DPY30: variants seen among roughly 807,000 people sequenced by gnomAD.
DPY30 encodes dpy-30 histone methyltransferase complex regulatory subunit.
A neutral mutation model predicts 16.2 loss-of-function variants in DPY30; 6 were observed. The ratio of observed to expected loss-of-function variants is 0.37; its 90% confidence interval spans 0.20 to 0.73. DPY30 has a LOEUF of 0.73. Among genes scored for constraint, DPY30 ranks in the 30% least tolerant of loss-of-function variants. The pLI is 0.51. For synonymous variants in DPY30, 39 were observed against 38.8 expected (o/e 1.00, Z -0.02); for missense variants, 73 against 113.1 (o/e 0.65, Z 1.61).
rs149424000 is a variant in DPY30, at chr2:32,027,861, C to G, written c.227+1733G>C. Among the ~76,000 whole-genome samples, 524 of 152,046 alleles carry G rather than the reference C, an allele frequency of 3.4e-3. 3 individuals carry two copies. The highest frequency in any genetic ancestry group is 0.012 in the African/African-American group (496 of 41,524). On this transcript the variant is annotated intron_variant, in intron 4 of 4. Coordinates refer to ENST00000342166, the MANE Select transcript of DPY30 (RefSeq NM_001321209.2). ...GCCAGGATGGTCTCGAACTCCTGAC[C>G]TCATGATCTGCCCGCCTCGGCCTCC... is the stretch of plus-strand genomic sequence containing the variant.
At chr2:32,027,006 T>C (rs1454023461) in intron 4 of DPY30, among the ~76,000 whole-genome samples, 1 of 150,808 alleles carries the variant, frequency 6.6e-6, no homozygotes, top group African/African-American at 2.4e-5. Flanking sequence ...CCAGGCACGA[T>C]GGCTCACACC....
intron 3 of DPY30, among the ~76,000 whole-genome samples, chr2:32,034,494 A>G (rs1029985607): frequency 6.6e-6 from 1 of 152,194 alleles, no homozygotes; most frequent in Non-Finnish European, 1.5e-5. Flanking sequence ...GAACTGACTC[A>G]TTACCAAAAG....
At chr2:32,019,436 C>T (rs776052471), downstream of DPY30, among the ~76,000 whole-genome samples, 8 of 152,070 alleles carry the variant, frequency 5.3e-5, no homozygotes, top group Non-Finnish European at 1.2e-4. Flanking sequence ...CGGCTTGAGC[C>T]GAGGAGGCAG....
intron 3 of DPY30, among the ~76,000 whole-genome samples, chr2:32,035,969 A>G (rs1054263715): frequency 6.6e-6 from 1 of 150,524 alleles, no homozygotes; most frequent in Admixed American, 6.7e-5. Flanking sequence ...AGAAAAAAGG[A>G]TAAGTAAACT....
chr2:32,032,162 C>G (rs1304826283), intron 3 of DPY30, among the ~76,000 whole-genome samples: 2 of 152,052 alleles, frequency 1.3e-5, no homozygotes, highest in Non-Finnish European at 2.9e-5. Context: ...CTATGTCAGA[C>G]AACTTCTGCT....
At position 32,028,275 on chromosome 2, in the gene DPY30, C is replaced by T. The variant is rs550378370; in HGVS notation, c.227+1319G>A. ...CGGACTAAGGCATACCCCACCACAC[C>T]TGGCTGAGATGAGACATGGTTCCAT... On this transcript the variant is annotated intron_variant, in intron 4 of 4. Transcript: ENST00000342166. Among the ~76,000 whole-genome samples the T allele has an allele frequency of 4.6e-5, 7 of 152,042 alleles. No homozygotes were observed. In the Middle Eastern group the frequency reaches 0.017, roughly 369 times the overall value.
At chr2:32,027,306 G>T (rs796784062) in intron 4 of DPY30, among the ~76,000 whole-genome samples, 89 of 150,050 alleles carry the variant, frequency 5.9e-4, no homozygotes, top group African/African-American at 2.1e-3. Context: ...GGGCACAGTG[G>T]ATCACCTGAG....
Position 32,039,769 on chromosome 2 carries a change from C to G in DPY30, c.-73G>C, listed in dbSNP as rs1444438662. The G allele has an allele frequency of 2.2e-6, 1 of 447,240 alleles. No individual in the cohort carries two copies. The highest frequency in any genetic ancestry group is 2.0e-5 in the African/African-American group (1 of 51,166). 27.7% of individuals were successfully genotyped at this position (447,240 alleles called of 1,614,324 possible). A position where few individuals can be genotyped will look rare whatever the true frequency, so the allele number is the denominator to read the frequency against. On this transcript the variant is annotated 5_prime_UTR_variant, in exon 1 of 5. Coordinates refer to ENST00000342166, the MANE Select transcript of DPY30 (RefSeq NM_001321209.2). Reference sequence around the variant, plus strand: ...CCGTTCGTTCTTAAGAGCCCTGCACCGCGCCACCAGCTCCCAGCACAAACA... The same window carrying G: ...CCGTTCGTTCTTAAGAGCCCTGCACGGCGCCACCAGCTCCCAGCACAAACA...
chr2:32,024,405 TAAGC>T (rs928558252), intron 4 of DPY30, 149 bp from the exon 5 acceptor site: 18 of 652,820 alleles, frequency 2.8e-5, no homozygotes, highest in Non-Finnish European at 4.3e-5. Flanking sequence ...ATAAATGAGA[TAAGC>T]AAGCAAATTA....
intron 3 of DPY30, among the ~76,000 whole-genome samples, chr2:32,035,688 C>A (rs1237006154): frequency 1.3e-5 from 2 of 151,424 alleles, no homozygotes; most frequent in Non-Finnish European, 2.9e-5. Flanking sequence ...AATCCCAGCA[C>A]TTTGGGAGGC....
chr2:32,035,095 C>A (rs555722303), intron 3 of DPY30, among the ~76,000 whole-genome samples: 1 of 149,094 alleles, frequency 6.7e-6, no homozygotes, highest in African/African-American at 2.5e-5. Context: ...GGGGACAGAG[C>A]GAGACTCCAT....
At chr2:32,016,167 G>C (rs1181725538) in intron 5 of DPY30, among the ~76,000 whole-genome samples, 1 of 152,168 alleles carries the variant, frequency 6.6e-6, no homozygotes, top group African/African-American at 2.4e-5. Context: ...TGCAAGTGCT[G>C]GGATTACAAG....
chr2:32,028,014 AAAAC>A (rs1377846249), intron 4 of DPY30, among the ~76,000 whole-genome samples: 1 of 152,210 alleles, frequency 6.6e-6, no homozygotes. Context: ...ATAGCCATCA[AAAAC>A]AAATATTTAC....
intron 4 of DPY30, among the ~76,000 whole-genome samples, chr2:32,028,112 CTTTT>C (rs1159330100): frequency 4.4e-5 from 6 of 136,184 alleles, no homozygotes; most frequent in African/African-American, 2.7e-5. Flanking sequence ...GATATATTTC[CTTTT>C]TTTTTTTTTT....
chr2:32,011,912 C>G (rs960692277), exon 6 of DPY30: 3 of 152,068 alleles, frequency 2.0e-5, no homozygotes, highest in Non-Finnish European at 4.4e-5. Flanking sequence ...TTTTAATTAT[C>G]CGGGCGTGGT....
Position 32,039,451 on chromosome 2 carries a change from C to A in DPY30, c.6G>T (p.Glu2Asp). M[E>D]PEQMLEGQTQ... ...TTTGTCCCTCCAGCATCTGCTCTGG[C>A]TCCATGGCGGACCCTGCAAGTCACA... Residue 2 changes from glutamate to aspartate, a missense_variant, in exon 2 of 5, where the codon GAG (glutamate) becomes GAT (aspartate). Glu to Asp is a conservative substitution (Grantham distance 45). This residue lies in a region of DPY30 where 52 missense variants were observed against 71.5 expected (regional missense o/e 0.73). Transcript: ENST00000342166. The A allele has an allele frequency of 6.2e-7, 1 of 1,614,162 alleles. No homozygotes were observed. The highest frequency in any genetic ancestry group is 8.5e-7 in the Non-Finnish European group (1 of 1,180,034).
chr2:32,023,629 T>C (rs1370305309), downstream of DPY30: 1 of 855,056 alleles, frequency 1.2e-6, no homozygotes, highest in Non-Finnish European at 1.7e-6. Flanking sequence ...TGTATCCCCT[T>C]TGCAATGCTT....
intron 3 of DPY30, among the ~76,000 whole-genome samples, chr2:32,038,718 C>G (rs1158640862): frequency 7.2e-6 from 1 of 139,770 alleles, no homozygotes; most frequent in Non-Finnish European, 1.5e-5. Context: ...GGCGCGATCT[C>G]AGCTCACTGC....
chr2:32,038,415 G>GC (rs1287794213), intron 3 of DPY30, among the ~76,000 whole-genome samples: 1 of 103,632 alleles, frequency 9.6e-6, no homozygotes, highest in South Asian at 4.4e-4. Context: ...TTTGAGGGGG[G>GC]GGGGGGCGGG....
Sources: gnomAD v4.1 joint callset for allele counts (sites outside exome capture counted in the v4.1 genomes callset) on GRCh38, gnomAD v4.1.1 for gene constraint, gnomAD v4.1.1 regional missense constraint, MANE v1.5 for transcripts, NCBI Gene and HGNC (gene_info 2026-07-23, HGNC 2026-07-21) for gene names.